Variants in CTTNBP2NL observed in about 807,000 individuals in gnomAD.
CTTNBP2NL encodes CTTNBP2 N-terminal-like protein.
In CTTNBP2NL, 16 loss-of-function variants were observed where a neutral mutation model predicts 32.5. The observed-to-expected ratio is 0.49, with a 90% CI of 0.33 to 0.75. CTTNBP2NL has a LOEUF of 0.75. CTTNBP2NL is among the 30% of genes least tolerant of loss of function. CTTNBP2NL has a pLI of 0.02. For missense variants in CTTNBP2NL, 645 were observed against 756.0 expected (o/e 0.85, Z 1.72); for synonymous variants, 298 against 289.4 (o/e 1.03, Z -0.30).
rs530427822 is a variant in CTTNBP2NL, at chr1:112,413,655, TTTTG to T, written c.-10+1342_-10+1345del. The stretch of plus-strand genomic sequence containing the variant: ...GGTTTGTTAGAATTTTTTTGTTTAG[TTTTG>T]TTTTAGTTTTTATTTTTATTTTTAA... On this transcript the variant is annotated intron_variant, in intron 2 of 5. Coordinates refer to ENST00000271277, the MANE Select transcript of CTTNBP2NL (RefSeq NM_018704.3). Among the ~76,000 whole-genome samples, 526 of 152,324 alleles carry T rather than the reference TTTTG, an allele frequency of 3.5e-3. 3 individuals carry two copies. The highest frequency in any genetic ancestry group is 0.012 in the African/African-American group (489 of 41,568).
chr1:112,407,411 G>C (rs1648701876), intron 1 of CTTNBP2NL, among the ~76,000 whole-genome samples: 1 of 152,132 alleles, frequency 6.6e-6, no homozygotes, highest in African/African-American at 2.4e-5. Flanking sequence ...TTTCTTCTGA[G>C]GCGTCTCTCC....
chr1:112,400,034 A>C lies in CTTNBP2NL; in HGVS notation c.-134+3762A>C, dbSNP rs184345304. On this transcript the variant is annotated intron_variant, in intron 1 of 5. Coordinates refer to ENST00000271277, the MANE Select transcript of CTTNBP2NL (RefSeq NM_018704.3). The stretch of plus-strand genomic sequence containing the variant: ...CAGTGAGCCGAGATCACGCCATTGC[A>C]CTCCAGCCTGGGCAAGAAGAGAGAA... Among the ~76,000 whole-genome samples the C allele has an allele frequency of 1.7e-3, 252 of 152,320 alleles. 2 individuals are homozygous for C. The highest frequency in any genetic ancestry group is 5.9e-3 in the African/African-American group (247 of 41,584).
intron 3 of CTTNBP2NL, among the ~76,000 whole-genome samples, chr1:112,439,324 T>C (rs1649829483): frequency 6.6e-6 from 1 of 152,178 alleles, no homozygotes; most frequent in African/African-American, 2.4e-5. Flanking sequence ...TAAATATGAA[T>C]AGTTTCTACT....
chr1:112,425,592 G>A (rs11102474), intron 3 of CTTNBP2NL, among the ~76,000 whole-genome samples: 2,592 of 152,038 alleles, frequency 0.017, 88 homozygotes, highest in African/African-American at 0.06. Context: ...GGCCCACGAC[G>A]GTGGCTCATG....
At chr1:112,392,939 C>A (rs146092491), upstream of CTTNBP2NL, among the ~76,000 whole-genome samples, 3,011 of 152,152 alleles carry the variant, frequency 0.02, 42 homozygotes, top group South Asian at 0.057. Flanking sequence ...CTCACTGCAA[C>A]CTCCATCTCC....
intron 1 of CTTNBP2NL, chr1:112,396,531 T>G (rs1013174681): frequency 6.6e-6 from 1 of 152,250 alleles, no homozygotes; most frequent in African/African-American, 2.4e-5. Context: ...CTGACACCCC[T>G]CATTCAAAGG....
chr1:112,410,385 C>G (rs1648818438), intron 1 of CTTNBP2NL, among the ~76,000 whole-genome samples: 2 of 134,506 alleles, frequency 1.5e-5, no homozygotes, highest in South Asian at 2.3e-4. Flanking sequence ...GAGCGAAACT[C>G]CATCTCAAAA....
chr1:112,427,737 T>C (rs1649442703), intron 3 of CTTNBP2NL, among the ~76,000 whole-genome samples: 1 of 151,736 alleles, frequency 6.6e-6, no homozygotes, highest in African/African-American at 2.4e-5. Flanking sequence ...CTATTAAAAA[T>C]ACAAAAAAAT....
chr1:112,399,919 A>T (rs898221450), intron 1 of CTTNBP2NL, among the ~76,000 whole-genome samples: 5 of 151,698 alleles, frequency 3.3e-5, no homozygotes, highest in African/African-American at 1.2e-4. Flanking sequence ...AAATACAAAA[A>T]CTAGCCAGGC....
chr1:112,447,034 G>A (rs962724166), intron 3 of CTTNBP2NL, among the ~76,000 whole-genome samples: 6 of 152,068 alleles, frequency 3.9e-5, no homozygotes, highest in African/African-American at 1.4e-4. Flanking sequence ...CAGCACTTTG[G>A]GAGGCCAAGG....
Position 112,456,673 on chromosome 1 carries a change from T to A in CTTNBP2NL, c.1181T>A (p.Val394Glu). 6 of 1,614,144 alleles carry A rather than the reference T, an allele frequency of 3.7e-6. No individual in the cohort carries two copies. Among genetic ancestry groups the A allele is most frequent in the Non-Finnish European group, 5.1e-6 (6 of 1,180,038 alleles). ...EKPVENGGCP[V>E]GIETPVPMPS... ...CCAGTGGAGAATGGTGGGTGTCCTG[T>A]GGGGATTGAGACTCCAGTCCCAATG... Residue 394 changes from valine to glutamate, a missense_variant, in exon 6 of 6, where the codon GTG becomes GAG. Coordinates refer to ENST00000271277, the MANE Select transcript of CTTNBP2NL (RefSeq NM_018704.3).
chr1:112,423,452 A>G (rs1335776173), intron 3 of CTTNBP2NL, among the ~76,000 whole-genome samples: 2 of 152,176 alleles, frequency 1.3e-5, no homozygotes, highest in Admixed American at 6.5e-5. Flanking sequence ...ACATATTTCA[A>G]AACATCATGT....
intron 3 of CTTNBP2NL, among the ~76,000 whole-genome samples, chr1:112,438,453 TG>T (rs1302344178): frequency 6.6e-6 from 1 of 152,194 alleles, no homozygotes; most frequent in African/African-American, 2.4e-5. Flanking sequence ...GCTGAGACCA[TG>T]GGGTTTTTCT....
intron 5 of CTTNBP2NL, 101 bp from the exon 6 acceptor site, chr1:112,455,830 T>C: frequency 1.3e-6 from 1 of 786,794 alleles, no homozygotes; most frequent in African/African-American, 1.7e-5. Flanking sequence ...ATCTAAGCAC[T>C]GTGATGTGCA....
intron 3 of CTTNBP2NL, among the ~76,000 whole-genome samples, chr1:112,417,840 T>G (rs1303889599): frequency 1.3e-5 from 2 of 151,936 alleles, no homozygotes; most frequent in South Asian, 2.1e-4. Context: ...TTTTGGGGGG[T>G]TTTTTGTTGT....
upstream of CTTNBP2NL, among the ~76,000 whole-genome samples, chr1:112,391,990 C>CAATCAATAAATAAATAAATA (rs1648195461): frequency 6.7e-6 from 1 of 149,094 alleles, no homozygotes; most frequent in African/African-American, 2.5e-5. Context: ...GACCCTGTCT[C>CAATCAATAAATAAATAAATA]AATAAATAAA....
intron 3 of CTTNBP2NL, among the ~76,000 whole-genome samples, chr1:112,447,201 G>T (rs1488497908): frequency 6.9e-6 from 1 of 144,964 alleles, no homozygotes; most frequent in Non-Finnish European, 1.5e-5. Context: ...GTGAACCCAA[G>T]AGGTGGAGCT....
Position 112,459,379 on chromosome 1 carries a change from T to C in CTTNBP2NL, c.*1967T>C, listed in dbSNP as rs1354388261. On this transcript the variant is annotated 3_prime_UTR_variant, in exon 6 of 6. Coordinates refer to ENST00000271277, the MANE Select transcript of CTTNBP2NL (RefSeq NM_018704.3). ...TGTCCATACAGGAGAGGCCTTGGTGTCTTCACATACATTCTCTGAGCCAAC... is the reference window on the plus strand; with the variant it reads ...TGTCCATACAGGAGAGGCCTTGGTGCCTTCACATACATTCTCTGAGCCAAC... 6.6e-6 allele frequency: 1 copy of C among 152,222 alleles called. No homozygotes were observed. Among genetic ancestry groups the C allele is most frequent in the African/African-American group, 2.4e-5 (1 of 41,474 alleles). The allele number at this position is 152,222 out of a possible 1,614,324, so 9.4% of individuals were successfully genotyped here.
At chr1:112,402,828 C>T (rs1040145069) in intron 1 of CTTNBP2NL, among the ~76,000 whole-genome samples, 1 of 152,170 alleles carries the variant, frequency 6.6e-6, no homozygotes, top group Non-Finnish European at 1.5e-5. Context: ...GACTTCTTCA[C>T]TTCTAAACCC....
Sources: allele counts gnomAD v4.1 joint callset (sites outside exome capture counted in the v4.1 genomes callset), GRCh38; gene constraint gnomAD v4.1.1; transcripts MANE v1.5; gene names NCBI Gene and HGNC (gene_info 2026-07-23, HGNC 2026-07-21).